The following DPH6 variants were observed in gnomAD, a reference collection of about 807,000 sequenced individuals.
DPH6 encodes the protein diphthamine biosynthesis 6.
A neutral mutation model predicts 38.2 loss-of-function variants in DPH6; 33 were observed. The observed-to-expected ratio is 0.86, with a 90% CI of 0.65 to 1.15. The LOEUF (loss-of-function observed/expected upper bound fraction) is 1.15, where lower values mean the gene tolerates loss of function less well. DPH6 is among the 50% of genes most tolerant of loss of function. The pLI is 0.00. For missense variants in DPH6, 325 were observed against 320.0 expected (o/e 1.02, Z -0.12); for synonymous variants, 108 against 103.0 (o/e 1.05, Z -0.30).
chr15:35,316,966 A>C (rs995534693), intron 3 of DPH6, among the ~76,000 whole-genome samples: 5 of 152,140 alleles, frequency 3.3e-5, no homozygotes, highest in African/African-American at 4.8e-5. Context: ...CCCAGCAAAA[A>C]ACTCTCTAGG....
At chr15:35,422,114 C>G (rs2053513290) in intron 5 of DPH6, among the ~76,000 whole-genome samples, 1 of 149,922 alleles carries the variant, frequency 6.7e-6, no homozygotes, top group African/African-American at 2.4e-5. Flanking sequence ...GTTATTCCTT[C>G]AAATATATAT....
intron 3 of DPH6, among the ~76,000 whole-genome samples, chr15:35,303,606 T>C (rs2052068618): frequency 6.6e-6 from 1 of 151,790 alleles, no homozygotes; most frequent in Admixed American, 6.6e-5. Flanking sequence ...CGTTACAGCT[T>C]TGCAATCAAA....
At chr15:35,173,200 T>A in the DPH6 span, among the ~76,000 whole-genome samples, 1 of 152,188 alleles carries the variant, frequency 6.6e-6, no homozygotes, top group South Asian at 2.1e-4. Flanking sequence ...TGTGAACTTG[T>A]TACCTTCCTT....
At chr15:35,439,161 G>A (rs990063354) in intron 5 of DPH6, among the ~76,000 whole-genome samples, 1 of 152,186 alleles carries the variant, frequency 6.6e-6, no homozygotes, top group African/African-American at 2.4e-5. Flanking sequence ...TAGAAAATTA[G>A]GGTTGATATT....
chr15:35,149,712 C>G, the DPH6 span, among the ~76,000 whole-genome samples: 30 of 152,270 alleles, frequency 2.0e-4, no homozygotes, highest in Admixed American at 1.0e-3. Flanking sequence ...TTTTGCTGAG[C>G]CTTTTATAGA....
chr15:35,342,062 C>A (rs1424000629), intron 3 of DPH6, among the ~76,000 whole-genome samples: 3 of 152,206 alleles, frequency 2.0e-5, no homozygotes, highest in Non-Finnish European at 4.4e-5. Flanking sequence ...CATTGACTGG[C>A]TGGAATTGCA....
At chr15:35,434,385 A>G (rs2053669821) in intron 5 of DPH6, among the ~76,000 whole-genome samples, 1 of 152,252 alleles carries the variant, frequency 6.6e-6, no homozygotes, top group Admixed American at 6.5e-5. Flanking sequence ...AACAGAGGGC[A>G]CTAAAATATT....
chr15:35,394,296 T>A (rs2053099296), intron 6 of DPH6, among the ~76,000 whole-genome samples: 1 of 152,170 alleles, frequency 6.6e-6, no homozygotes, highest in South Asian at 2.1e-4. Context: ...TCTTATTTAA[T>A]ACTCAAAATG....
intron 4 of DPH6, among the ~76,000 whole-genome samples, chr15:35,451,967 G>A (rs2092908331): frequency 6.6e-6 from 1 of 152,128 alleles, no homozygotes; most frequent in South Asian, 2.1e-4. Context: ...CCGAGATTGC[G>A]CCGCTGCACT....
chr15:35,189,053 C>T, the DPH6 span, among the ~76,000 whole-genome samples: 21,341 of 152,092 alleles, frequency 0.14, 2,763 homozygotes, highest in African/African-American at 0.34. Context: ...AGGAAGTGAA[C>T]GGTGATGCTC....
chr15:35,285,449 T>C (rs58336614), intron 3 of DPH6, among the ~76,000 whole-genome samples: 5,482 of 152,238 alleles, frequency 0.036, 301 homozygotes, highest in African/African-American at 0.12. Flanking sequence ...TTCCTTTGCA[T>C]AAGCTCTCTC....
chr15:35,313,350 A>ATT (rs762689514), intron 3 of DPH6, among the ~76,000 whole-genome samples: 2 of 140,418 alleles, frequency 1.4e-5, no homozygotes, highest in African/African-American at 5.2e-5. Context: ...ACATTTCAGG[A>ATT]TTTTTTTTTT....
intron 3 of DPH6, among the ~76,000 whole-genome samples, chr15:35,355,531 TC>T (rs1284987290): frequency 6.6e-6 from 1 of 151,894 alleles, no homozygotes; most frequent in Non-Finnish European, 1.5e-5. Context: ...ATTTTATTTC[TC>T]CTCCACTTAT....
chr15:35,283,783 C>T (rs1014585267), intron 3 of DPH6, among the ~76,000 whole-genome samples: 1 of 151,356 alleles, frequency 6.6e-6, no homozygotes, highest in Non-Finnish European at 1.5e-5. Flanking sequence ...CACACACACA[C>T]ACACACACAC....
the DPH6 span, among the ~76,000 whole-genome samples, chr15:35,177,600 A>AAAAAATC: frequency 1.6e-4 from 21 of 134,456 alleles, no homozygotes; most frequent in African/African-American, 5.5e-4. Flanking sequence ...AAAAAAAAAA[A>AAAAAATC]ATCATCATCA....
intron 3 of DPH6, among the ~76,000 whole-genome samples, chr15:35,478,246 A>G (rs1268349494): frequency 6.6e-6 from 1 of 151,884 alleles, no homozygotes; most frequent in African/African-American, 2.4e-5. Context: ...ACTGCTTACC[A>G]CTGTAACAAT....
intron 3 of DPH6, among the ~76,000 whole-genome samples, chr15:35,470,026 T>C (rs1183992375): frequency 1.3e-5 from 2 of 152,128 alleles, no homozygotes; most frequent in South Asian, 2.1e-4. Flanking sequence ...GGCGAAACCC[T>C]GTCTCTACTA....
chr15:35,448,989 T>TTTTTC (rs1441900082), intron 5 of DPH6, among the ~76,000 whole-genome samples: 9 of 131,868 alleles, frequency 6.8e-5, no homozygotes, highest in Non-Finnish European at 1.5e-4. Flanking sequence ...GTCTCATTTT[T>TTTTTC]TTTTTTTTTG....
intron 3 of DPH6, among the ~76,000 whole-genome samples, chr15:35,339,051 G>A (rs931095545): frequency 6.6e-6 from 1 of 152,082 alleles, no homozygotes; most frequent in East Asian, 1.9e-4. Context: ...GGTAGCGGGT[G>A]GGGGATAGCA....
Sources: gnomAD v4.1 joint callset for allele counts (sites outside exome capture counted in the v4.1 genomes callset) on GRCh38, gnomAD v4.1.1 for gene constraint, MANE v1.5 for transcripts, NCBI Gene and HGNC (gene_info 2026-07-23, HGNC 2026-07-21) for gene names.